Variants in ANKFN1 observed in about 807,000 individuals in gnomAD.
ANKFN1 encodes ankyrin repeat and fibronectin type III domain containing 1.
A neutral mutation model predicts 108.7 loss-of-function variants in ANKFN1; 74 were observed. That is an observed-to-expected ratio of 0.68 (90% CI 0.56 to 0.83). The LOEUF (loss-of-function observed/expected upper bound fraction) is 0.83. Ranked by LOEUF, ANKFN1 falls within the 40% of genes least tolerant of loss-of-function variation. ANKFN1 has a pLI of 0.00. For missense variants in ANKFN1, 1,505 were observed against 1,382.3 expected, an observed-to-expected ratio of 1.09 and a Z score of -1.41; for synonymous variants, 547 against 516.2, an observed-to-expected ratio of 1.06 and a Z score of -0.81.
intron 14 of ANKFN1, 140 bp downstream of exon 14, chr17:56,458,119 A>G: frequency 1.5e-6 from 1 of 689,074 alleles, no homozygotes; most frequent in Non-Finnish European, 2.4e-6. Context: ...TTTCTTGAGC[A>G]GCTGGAGCTG....
chr17:56,205,793 C>T (rs951481879), intron 1 of ANKFN1, among the ~76,000 whole-genome samples: 2 of 151,980 alleles, frequency 1.3e-5, no homozygotes, highest in South Asian at 2.1e-4. Flanking sequence ...AATATTAGGC[C>T]GCTTTGCTTG....
chr17:56,215,440 C>G (rs1016058572), intron 2 of ANKFN1, among the ~76,000 whole-genome samples: 4 of 152,148 alleles, frequency 2.6e-5, no homozygotes, highest in African/African-American at 9.7e-5. Context: ...AAGGCTGAGA[C>G]AGAGGTGAGT....
chr17:56,388,831 G>A (rs1439893157), intron 8 of ANKFN1, among the ~76,000 whole-genome samples: 2 of 151,982 alleles, frequency 1.3e-5, no homozygotes, highest in Non-Finnish European at 2.9e-5. Flanking sequence ...TTGCCATTAG[G>A]GAAATGCAAA....
chr17:56,091,180 A>G (rs192587929), intron 4 of ANKFN1, among the ~76,000 whole-genome samples: 3 of 151,112 alleles, frequency 2.0e-5, no homozygotes, highest in African/African-American at 7.3e-5. Flanking sequence ...CGTGAAAGAG[A>G]GATATAAAGT....
chr17:56,174,645 T>C (rs185105971), intron 1 of ANKFN1, among the ~76,000 whole-genome samples: 6 of 152,260 alleles, frequency 3.9e-5, no homozygotes, highest in Admixed American at 3.3e-4. Context: ...AGCTCCCTGT[T>C]TGTGTTTTGC....
intron 3 of ANKFN1, among the ~76,000 whole-genome samples, chr17:56,307,366 C>G (rs1236526836): frequency 6.6e-6 from 1 of 152,096 alleles, no homozygotes; most frequent in Non-Finnish European, 1.5e-5. Context: ...ACAATGAACT[C>G]CAACACATTT....
chr17:56,462,664 A>G (rs1259232459), intron 14 of ANKFN1, among the ~76,000 whole-genome samples: 1 of 152,218 alleles, frequency 6.6e-6, no homozygotes, highest in African/African-American at 2.4e-5. Flanking sequence ...TTTGATTGGC[A>G]TCAACCATAA....
Position 56,510,853 on chromosome 17 carries a change from GGCGGCTT to G in ANKFN1, c.3026_3032del (p.Gly1009AlafsTer54). On this transcript the variant is annotated frameshift_variant, in exon 21 of 21. Transcript: ENST00000682825. LOFTEE classifies it low-confidence loss of function (END_TRUNC). ...GAAGCCAGGCAAGCACCCCCACTAT[GGCGGCTT>G]CAGCCGCCATCATCGCTGGTTGCGC... The G allele has an allele frequency of 1.3e-6, 2 of 1,536,116 alleles. No homozygotes were observed. Among genetic ancestry groups the G allele is most frequent in the Non-Finnish European group, 1.7e-6 (2 of 1,146,898 alleles).
chr17:56,149,455 G>C (rs899473587), upstream of ANKFN1, among the ~76,000 whole-genome samples: 7 of 145,050 alleles, frequency 4.8e-5, no homozygotes, highest in African/African-American at 2.0e-4. Context: ...TTCTCAGGAG[G>C]TACAGTCACA....
intron 11 of ANKFN1, among the ~76,000 whole-genome samples, chr17:56,450,867 T>C (rs944765878): frequency 3.3e-5 from 5 of 152,314 alleles, no homozygotes; most frequent in Non-Finnish European, 5.9e-5. Flanking sequence ...TGGATTCCTA[T>C]CTAATAATCA....
chr17:56,334,490 A>T (rs1244150043), intron 4 of ANKFN1, among the ~76,000 whole-genome samples: 1 of 152,148 alleles, frequency 6.6e-6, no homozygotes, highest in Non-Finnish European at 1.5e-5. Context: ...TATGTTAATT[A>T]TACCTCAAAA....
At chr17:56,146,941 G>A (rs1181512953) in intron 4 of ANKFN1, among the ~76,000 whole-genome samples, 1 of 152,050 alleles carries the variant, frequency 6.6e-6, no homozygotes, top group African/African-American at 2.4e-5. Flanking sequence ...AAACTTTTAT[G>A]TCTGCTTCCT....
At chr17:56,133,787 T>G (rs546474918) in intron 4 of ANKFN1, among the ~76,000 whole-genome samples, 72 of 104,820 alleles carry the variant, frequency 6.9e-4, no homozygotes, top group African/African-American at 2.5e-3. Context: ...ATCCAAAGTG[T>G]TTTTTTTTTC....
intron 6 of ANKFN1, among the ~76,000 whole-genome samples, chr17:56,367,135 G>A (rs1163570617): frequency 1.3e-5 from 2 of 152,066 alleles, no homozygotes. Context: ...TTGAAAAATG[G>A]CACATCATTA....
At chr17:56,168,076 G>A (rs1299846140) in intron 1 of ANKFN1, among the ~76,000 whole-genome samples, 2 of 152,084 alleles carry the variant, frequency 1.3e-5, no homozygotes, top group African/African-American at 4.8e-5. Flanking sequence ...AGACCGGCCT[G>A]ACCAGCATGG....
chr17:56,497,800 C>T (rs1368198410), intron 19 of ANKFN1, among the ~76,000 whole-genome samples: 1 of 152,078 alleles, frequency 6.6e-6, no homozygotes, highest in African/African-American at 2.4e-5. Context: ...CCTCTTCTTA[C>T]AGTTGAGTAA....
chr17:56,425,537 C>T (rs756823094), intron 8 of ANKFN1, among the ~76,000 whole-genome samples: 1 of 152,234 alleles, frequency 6.6e-6, no homozygotes, highest in Admixed American at 6.5e-5. Context: ...GAGCTCCTGT[C>T]TCCTGTCCCA....
chr17:56,189,179 T>TTTTTTTTTGTTTTTTTTTG (rs1555607730), intron 1 of ANKFN1, among the ~76,000 whole-genome samples: 3 of 111,400 alleles, frequency 2.7e-5, no homozygotes, highest in African/African-American at 1.5e-4. Flanking sequence ...ACTTTTTTTT[T>TTTTTTTTTGTTTTTTTTTG]TTTTTTTTTG....
chr17:56,488,772 C>T (rs963779516), intron 18 of ANKFN1, among the ~76,000 whole-genome samples: 1 of 152,214 alleles, frequency 6.6e-6, no homozygotes, highest in Non-Finnish European at 1.5e-5. Context: ...CCAAACTAGG[C>T]CACATGGCCC....
Sources: gnomAD v4.1 joint callset for allele counts (sites outside exome capture counted in the v4.1 genomes callset) on GRCh38, gnomAD v4.1.1 for gene constraint, MANE v1.5 for transcripts, NCBI Gene and HGNC (gene_info 2026-07-23, HGNC 2026-07-21) for gene names.